The following USP15 variants were observed in gnomAD, a reference collection of about 807,000 sequenced individuals.
USP15 encodes the protein ubiquitin carboxyl-terminal hydrolase 15.
In USP15, 18 loss-of-function variants were observed where a neutral mutation model predicts 127.1. The observed-to-expected ratio is 0.14, with a 90% CI of 0.10 to 0.21. The LOEUF (loss-of-function observed/expected upper bound fraction) is 0.21, where lower values mean the gene tolerates loss of function less well. USP15 is among the 10% of genes least tolerant of loss of function. The pLI, the probability that USP15 is intolerant of heterozygous loss-of-function variation, is 1.00. For missense variants in USP15, 805 were observed against 1,159.9 expected (o/e 0.69, Z 4.44); for synonymous variants, 364 against 393.7 (o/e 0.92, Z 0.89).
chr12:62,408,576 T>A lies in USP15; in HGVS notation c.*4201T>A, dbSNP rs1338621228. Reference sequence around the variant, plus strand: ...CTTTACAAAAAAATAAAAAATTTTTTGCTCTTTGAATAACTTAACATGAGG... The same window carrying A: ...CTTTACAAAAAAATAAAAAATTTTTAGCTCTTTGAATAACTTAACATGAGG... On this transcript the variant is annotated 3_prime_UTR_variant, in exon 22 of 22. Coordinates refer to ENST00000280377, the MANE Select transcript of USP15 (RefSeq NM_001252078.2). The A allele has an allele frequency of 2.0e-5, 3 of 152,188 alleles. No homozygotes were observed. The highest frequency in any genetic ancestry group is 7.2e-5 in the African/African-American group (3 of 41,468). The allele number at this position is 152,188 out of a possible 1,614,324, so 9.4% of individuals were successfully genotyped here.
At chr12:62,390,759 A>G in intron 14 of USP15, 105 bp from the exon 15 acceptor site, 1 of 620,126 alleles carries the variant, frequency 1.6e-6, no homozygotes, top group Non-Finnish European at 2.7e-6. Flanking sequence ...CTAAGTGACC[A>G]CTGTTACTGC....
At chr12:62,302,060 C>T (rs1280594275) in intron 2 of USP15, among the ~76,000 whole-genome samples, 2 of 152,140 alleles carry the variant, frequency 1.3e-5, no homozygotes, top group Non-Finnish European at 2.9e-5. Flanking sequence ...TGAAAGTGGA[C>T]TGTGAATTAG....
chr12:62,306,719 A>G (rs1306068006), intron 3 of USP15, among the ~76,000 whole-genome samples: 1 of 152,166 alleles, frequency 6.6e-6, no homozygotes, highest in Non-Finnish European at 1.5e-5. Flanking sequence ...GAAGATTCCT[A>G]GTCCCTCCAG....
At chr12:62,393,333 A>T in intron 19 of USP15, 131 bp downstream of exon 19, 1 of 1,034,870 alleles carries the variant, frequency 9.7e-7, no homozygotes, top group Non-Finnish European at 1.4e-6. Context: ...TTTGTTTTTG[A>T]GTAGTTCTAA....
At chr12:62,345,435 G>A (rs188122433) in intron 6 of USP15, among the ~76,000 whole-genome samples, 3 of 152,266 alleles carry the variant, frequency 2.0e-5, no homozygotes, top group East Asian at 3.9e-4. Flanking sequence ...AAGCCATTCA[G>A]CAAGTCTCTA....
intron 20 of USP15, among the ~76,000 whole-genome samples, chr12:62,397,750 G>C (rs2067540395): frequency 6.6e-6 from 1 of 150,840 alleles, no homozygotes. Flanking sequence ...CCAGCCACTC[G>C]GGAGGCTGAG....
intron 2 of USP15, among the ~76,000 whole-genome samples, chr12:62,297,635 A>G (rs926860318): frequency 2.0e-5 from 3 of 152,242 alleles, no homozygotes; most frequent in African/African-American, 7.2e-5. Context: ...ATCCACAAAA[A>G]AAGTTTGAGA....
At chr12:62,303,570 C>T (rs1239846305) in intron 3 of USP15, 1 of 151,940 alleles carries the variant, frequency 6.6e-6, no homozygotes, top group African/African-American at 2.4e-5. Context: ...AATCTCTTGG[C>T]ATAATTTTGT....
At chr12:62,270,960 G>T (rs1233712714) in intron 1 of USP15, among the ~76,000 whole-genome samples, 2 of 151,938 alleles carry the variant, frequency 1.3e-5, no homozygotes, top group Admixed American at 6.6e-5. Context: ...ATTTCTTAGA[G>T]GTATGTGGTA....
intron 1 of USP15, among the ~76,000 whole-genome samples, chr12:62,264,507 T>C (rs11614922): frequency 0.078 from 11,872 of 152,302 alleles, 588 homozygotes; most frequent in Middle Eastern, 0.16. Flanking sequence ...CCCTAATAAC[T>C]GTAGTAGGTA....
chr12:62,303,281 T>C lies in USP15; in HGVS notation c.348+361T>C, dbSNP rs76681268. 1.2e-4 allele frequency: 18 copies of C among 154,760 alleles called. 1 individual carries two copies. In the East Asian group the frequency reaches 3.4e-3, roughly 29 times the overall value. The allele number at this position is 154,760 out of a possible 1,614,324, so 9.6% of individuals were successfully genotyped here. ...GCTGCACTGTTTTTGATAAAACAAT[T>C]AGAAAACAATGAAGAAACTAAAAGT... is the stretch of plus-strand genomic sequence containing the variant. On this transcript the variant is annotated intron_variant, in intron 3 of 21. Transcript: ENST00000280377.
At chr12:62,309,128 T>G (rs1018574248) in intron 3 of USP15, among the ~76,000 whole-genome samples, 4 of 150,960 alleles carry the variant, frequency 2.6e-5, no homozygotes, top group African/African-American at 9.8e-5. Flanking sequence ...TGAACAAAAT[T>G]CAGTCATTGT....
intron 3 of USP15, among the ~76,000 whole-genome samples, chr12:62,309,077 A>G (rs1361558817): frequency 6.6e-6 from 1 of 152,156 alleles, no homozygotes; most frequent in Admixed American, 6.6e-5. Flanking sequence ...GAAACATTAT[A>G]ATGTAGACAT....
rs2067967987 is a variant in USP15 at position 62,409,007 on chromosome 12, CAG to C, written c.*4634_*4635del. 1 of 151,952 alleles carries C rather than the reference CAG, an allele frequency of 6.6e-6. No individual in the cohort carries two copies. Among genetic ancestry groups the C allele is most frequent in the Non-Finnish European group, 1.5e-5 (1 of 67,958 alleles). 9.4% of individuals were successfully genotyped at this position (151,952 alleles called of 1,614,324 possible). A position where few individuals can be genotyped will look rare whatever the true frequency, so the allele number is the denominator to read the frequency against. On this transcript the variant is annotated 3_prime_UTR_variant, in exon 22 of 22. Transcript: ENST00000280377. The stretch of plus-strand genomic sequence containing the variant: ...CTGCATAGAATAGGCTTTAAAATAT[CAG>C]AATTAGGAAAATAAAATATAGATGG...
chr12:62,389,382 A>T, intron 11 of USP15, 49 bp from the exon 12 acceptor site: 3 of 1,513,858 alleles, frequency 2.0e-6, no homozygotes, highest in Non-Finnish European at 2.7e-6. Flanking sequence ...CATTTACTGA[A>T]TTTTTTTTCC....
At chr12:62,270,796 G>T (rs1332560386) in intron 1 of USP15, among the ~76,000 whole-genome samples, 1 of 151,842 alleles carries the variant, frequency 6.6e-6, no homozygotes, top group Non-Finnish European at 1.5e-5. Context: ...AGTTTGTTTT[G>T]GCCCTCTTCT....
rs535311892 is a variant in USP15 at position 62,276,002 on chromosome 12, C to T, written c.89+15499C>T. On this transcript the variant is annotated intron_variant, in intron 1 of 21. Transcript: ENST00000280377. ...TGAGAGATTGAAAACCATAGGTCTTCAGTCTCTATATCATTTTCTTTAGTA... is the reference window on the plus strand; with the variant it reads ...TGAGAGATTGAAAACCATAGGTCTTTAGTCTCTATATCATTTTCTTTAGTA... Among the ~76,000 whole-genome samples the T allele has an allele frequency of 1.2e-3, 188 of 152,170 alleles. 2 individuals are homozygous for T. In the South Asian group the frequency reaches 0.033, roughly 27 times the overall value.
At chr12:62,271,551 G>GT (rs1316869803) in intron 1 of USP15, among the ~76,000 whole-genome samples, 1 of 151,762 alleles carries the variant, frequency 6.6e-6, no homozygotes, top group Non-Finnish European at 1.5e-5. Flanking sequence ...ATTTTTCTTA[G>GT]TTTTTTCTGT....
At chr12:62,338,371 T>G (rs1023110747) in intron 6 of USP15, among the ~76,000 whole-genome samples, 1 of 152,216 alleles carries the variant, frequency 6.6e-6, no homozygotes, top group African/African-American at 2.4e-5. Flanking sequence ...AGATTCTGGA[T>G]AATAGCCCTT....
Sources: gnomAD v4.1 joint callset for allele counts (sites outside exome capture counted in the v4.1 genomes callset) on GRCh38, gnomAD v4.1.1 for gene constraint, MANE v1.5 for transcripts, NCBI Gene and HGNC (gene_info 2026-07-23, HGNC 2026-07-21) for gene names.